ADAMTSL1: variants seen among roughly 807,000 people sequenced by gnomAD.
The protein encoded by ADAMTSL1 is ADAMTS like 1.
In ADAMTSL1, 126 loss-of-function variants were observed where a neutral mutation model predicts 201.8. The ratio of observed to expected loss-of-function variants is 0.62; its 90% CI spans 0.54 to 0.72. ADAMTSL1 has a LOEUF of 0.72. Ranked by LOEUF, ADAMTSL1 falls within the 30% of genes least tolerant of loss-of-function variation. The pLI is 0.00. For synonymous variants in ADAMTSL1, 1,121 were observed against 903.4 expected (o/e 1.24, Z -4.32); for missense variants, 2,679 against 2,277.8 (o/e 1.18, Z -3.59).
chr9:18,428,570 T>G (rs1819338156), intron 2 of ADAMTSL1, among the ~76,000 whole-genome samples: 1 of 151,996 alleles, frequency 6.6e-6, no homozygotes, highest in Non-Finnish European at 1.5e-5. Flanking sequence ...CAGTGAGCTG[T>G]GATGACACCA....
At position 18,438,973 on chromosome 9, in the gene ADAMTSL1, G is replaced by A. The variant is rs145932129; in HGVS notation, c.208-65856G>A. Among the ~76,000 whole-genome samples the A allele has an allele frequency of 4.2e-3, 628 of 151,126 alleles. 7 individuals are homozygous for A. The highest frequency in any genetic ancestry group is 0.015 in the African/African-American group (611 of 41,310). On this transcript the variant is annotated intron_variant, in intron 2 of 29. Transcript: ENST00000680146. The stretch of plus-strand genomic sequence containing the variant: ...ATTTATGCACACTCCCCTGCTGCCA[G>A]TGATGGGTTGTTGACAGGTTTTTTT...
chr9:17,999,952 G>A (rs1245094846), intron 1 of ADAMTSL1, among the ~76,000 whole-genome samples: 3 of 147,106 alleles, frequency 2.0e-5, no homozygotes, highest in South Asian at 4.4e-4. Context: ...TTTTATGGCT[G>A]CATAGTATTC....
intron 1 of ADAMTSL1, among the ~76,000 whole-genome samples, chr9:18,151,765 G>T (rs1455950173): frequency 2.0e-5 from 3 of 151,830 alleles, no homozygotes; most frequent in Admixed American, 2.0e-4. Flanking sequence ...AACACAAAAG[G>T]CCCAAAACAC....
chr9:18,453,628 C>CTTG (rs1404383685), intron 2 of ADAMTSL1, among the ~76,000 whole-genome samples: 1 of 152,136 alleles, frequency 6.6e-6, no homozygotes, highest in Non-Finnish European at 1.5e-5. Context: ...ACACAGCTCC[C>CTTG]TCAATATTTT....
intron 2 of ADAMTSL1, among the ~76,000 whole-genome samples, chr9:18,362,838 G>A (rs1418766653): frequency 6.6e-6 from 1 of 152,158 alleles, no homozygotes; most frequent in Non-Finnish European, 1.5e-5. Context: ...TCTGCTGATT[G>A]CATTATCAAT....
chr9:18,646,879 G>A (rs1827848062), intron 7 of ADAMTSL1, among the ~76,000 whole-genome samples: 1 of 151,902 alleles, frequency 6.6e-6, no homozygotes, highest in Non-Finnish European at 1.5e-5. Flanking sequence ...GCCCGGCTTT[G>A]GTATCAGGAT....
At chr9:18,448,095 T>C (rs1587244958) in intron 2 of ADAMTSL1, among the ~76,000 whole-genome samples, 2 of 152,198 alleles carry the variant, frequency 1.3e-5, no homozygotes, top group South Asian at 4.2e-4. Context: ...CAAAAATCAA[T>C]TAATAAACAA....
chr9:18,291,393 T>C (rs1409325377), intron 2 of ADAMTSL1, among the ~76,000 whole-genome samples: 7 of 152,194 alleles, frequency 4.6e-5, no homozygotes, highest in Admixed American at 2.6e-4. Flanking sequence ...CTCTCATTTA[T>C]TCATTCACTC....
intron 2 of ADAMTSL1, among the ~76,000 whole-genome samples, chr9:18,267,762 T>TAA (rs72030473): frequency 0.38 from 48,265 of 125,446 alleles, 10,006 homozygotes; most frequent in South Asian, 0.48. Flanking sequence ...CAAAGGCTAT[T>TAA]AAAAAAAAAA....
At chr9:18,541,002 A>G (rs1820099113) in intron 3 of ADAMTSL1, among the ~76,000 whole-genome samples, 1 of 152,070 alleles carries the variant, frequency 6.6e-6, no homozygotes, top group African/African-American at 2.4e-5. Flanking sequence ...ATCTTTCCTG[A>G]CCTACCCAGC....
At chr9:18,873,556 G>A (rs1451687710) in intron 23 of ADAMTSL1, among the ~76,000 whole-genome samples, 1 of 152,092 alleles carries the variant, frequency 6.6e-6, no homozygotes. Context: ...TGAATAGGGT[G>A]TCCTTTCCCC....
At chr9:18,738,570 G>A (rs776024692) in intron 15 of ADAMTSL1, among the ~76,000 whole-genome samples, 2 of 152,136 alleles carry the variant, frequency 1.3e-5, no homozygotes, top group Non-Finnish European at 2.9e-5. Flanking sequence ...CAACTTCTGT[G>A]TAATCCAATG....
intron 2 of ADAMTSL1, among the ~76,000 whole-genome samples, chr9:18,459,162 A>G (rs1820718191): frequency 6.6e-6 from 1 of 152,228 alleles, no homozygotes; most frequent in Non-Finnish European, 1.5e-5. Context: ...TGGATTTTCC[A>G]TTATTTAGAC....
chr9:18,094,174 T>C (rs1311115658), intron 1 of ADAMTSL1, among the ~76,000 whole-genome samples: 1 of 152,208 alleles, frequency 6.6e-6, no homozygotes, highest in African/African-American at 2.4e-5. Flanking sequence ...CTCACCATGA[T>C]GTAAAATTTT....
In ADAMTSL1 at chr9:18,401,787, A is replaced by C. The variant is rs533297034; in HGVS notation, c.208-103042A>C. Among the ~76,000 whole-genome samples, 24 of 152,272 alleles carry C rather than the reference A, an allele frequency of 1.6e-4. No individual in the cohort carries two copies. The East Asian group carries it at 3.9e-3, about 24-fold the overall frequency. On this transcript the variant is annotated intron_variant, in intron 2 of 29. Transcript: ENST00000680146. ...TGCACCACTTTGGGAATATGTGTTC[A>C]GGGAGAGGAAGCTGTTCGCGTGATC...
At chr9:18,885,761 A>AAAAT (rs1168953949) in intron 23 of ADAMTSL1, among the ~76,000 whole-genome samples, 1 of 152,138 alleles carries the variant, frequency 6.6e-6, no homozygotes, top group Non-Finnish European at 1.5e-5. Context: ...GAAGGGGAAA[A>AAAAT]AAATAAGTGA....
At chr9:18,656,502 G>A (rs904613010) in intron 7 of ADAMTSL1, among the ~76,000 whole-genome samples, 3 of 151,876 alleles carry the variant, frequency 2.0e-5, no homozygotes, top group African/African-American at 2.4e-5. Flanking sequence ...GGTGGCAGGC[G>A]TCTGTAGTCC....
At chr9:18,586,205 A>G (rs1379260419) in intron 4 of ADAMTSL1, among the ~76,000 whole-genome samples, 1 of 152,212 alleles carries the variant, frequency 6.6e-6, no homozygotes, top group Non-Finnish European at 1.5e-5. Context: ...GGCTCAACCC[A>G]AAAGCTCCTT....
At chr9:18,245,961 T>C (rs537353313) in intron 2 of ADAMTSL1, among the ~76,000 whole-genome samples, 1 of 152,268 alleles carries the variant, frequency 6.6e-6, no homozygotes, top group East Asian at 1.9e-4. Context: ...TTAGACAAAT[T>C]AGCAGAGACT....
Sources: allele counts gnomAD v4.1 joint callset (sites outside exome capture counted in the v4.1 genomes callset), GRCh38; gene constraint gnomAD v4.1.1; transcripts MANE v1.5; gene names NCBI Gene and HGNC (gene_info 2026-07-23, HGNC 2026-07-21).